Variants in PRKN observed in about 807,000 individuals in gnomAD.
The protein encoded by PRKN is E3 ubiquitin-protein ligase parkin.
PRKN carries 56 observed loss-of-function variants against 59.5 expected under a neutral mutation model. The ratio of observed to expected loss-of-function variants is 0.94; its 90% confidence interval spans 0.76 to 1.18. The LOEUF is 1.18. PRKN is among the 50% of genes most tolerant of loss of function. The pLI is 0.00. For synonymous variants in PRKN, 250 were observed against 222.1 expected, an observed-to-expected ratio of 1.13 and a Z score of -1.12; for missense variants, 657 against 596.4, an observed-to-expected ratio of 1.10 and a Z score of -1.06.
At chr6:161,978,075 GT>G (rs572946862) in intron 5 of PRKN, among the ~76,000 whole-genome samples, 8 of 149,192 alleles carry the variant, frequency 5.4e-5, no homozygotes, top group Admixed American at 2.6e-4. Flanking sequence ...TGAGATGGGA[GT>G]TTTGCTCTTT....
intron 4 of PRKN, among the ~76,000 whole-genome samples, chr6:162,123,940 T>G (rs1781020462): frequency 6.6e-6 from 1 of 152,068 alleles, no homozygotes; most frequent in Non-Finnish European, 1.5e-5. Context: ...AGAGGGAGAC[T>G]GGAAAACAAG....
At chr6:162,544,559 T>C (rs1779043962) in intron 1 of PRKN, among the ~76,000 whole-genome samples, 1 of 152,188 alleles carries the variant, frequency 6.6e-6, no homozygotes, top group Admixed American at 6.5e-5. Context: ...TTATTTACTT[T>C]GCCAGATAAT....
At chr6:162,346,594 C>A (rs1784414056) in intron 2 of PRKN, among the ~76,000 whole-genome samples, 2 of 152,088 alleles carry the variant, frequency 1.3e-5, no homozygotes, top group Non-Finnish European at 1.5e-5. Flanking sequence ...GTACTCTAGC[C>A]TGGGTGACAG....
intron 5 of PRKN, among the ~76,000 whole-genome samples, chr6:161,977,714 CT>C (rs1239614924): frequency 6.6e-6 from 1 of 150,520 alleles, no homozygotes; most frequent in Non-Finnish European, 1.5e-5. Flanking sequence ...CGCCCGGCTA[CT>C]TTTTTGTATT....
chr6:161,502,976 G>A lies in PRKN; in HGVS notation c.1083+45878C>T, dbSNP rs571780857. On this transcript the variant is annotated intron_variant, in intron 9 of 11. Transcript: ENST00000366898. The surrounding 1 kb of genome is among the most constrained non-coding windows in gnomAD (Gnocchi z 4.0). ...CACTTACTTCATGCATTTGTGGCAA[G>A]GATTGAGTTAGATGATACATATCCA... 6.6e-6 allele frequency among the ~76,000 whole-genome samples: 1 copy of A among 152,278 alleles called. No individual in the cohort carries two copies. Among genetic ancestry groups the A allele is most frequent in the African/African-American group, 2.4e-5 (1 of 41,566 alleles).
At chr6:162,454,814 G>A (rs935534109) in intron 1 of PRKN, among the ~76,000 whole-genome samples, 4 of 152,200 alleles carry the variant, frequency 2.6e-5, no homozygotes, top group East Asian at 1.9e-4. Flanking sequence ...GGTGGCTCTG[G>A]TGCACCACCA....
intron 4 of PRKN, among the ~76,000 whole-genome samples, chr6:162,187,770 C>T (rs943745021): frequency 2.6e-5 from 4 of 152,048 alleles, no homozygotes; most frequent in Admixed American, 6.6e-5. Context: ...ATGCTATCTG[C>T]CAGGAGGACA....
rs552128196 is a variant in PRKN at position 161,885,860 on chromosome 6, A to G, written c.734+87442T>C. On this transcript the variant is annotated intron_variant, in intron 6 of 11. Transcript: ENST00000366898. ...ACACTGGCTCCATCATTCAGACTCT[A>G]TGTCCCAAGTTTGAGGAGGGAAGAA... Among the ~76,000 whole-genome samples the G allele has an allele frequency of 6.5e-4, 99 of 152,248 alleles. No homozygotes were observed. In the Middle Eastern group the frequency reaches 0.014, roughly 21 times the overall value.
intron 2 of PRKN, among the ~76,000 whole-genome samples, chr6:162,317,912 T>TAA (rs1003978460): frequency 6.7e-6 from 1 of 149,858 alleles, no homozygotes; most frequent in African/African-American, 2.5e-5. Context: ...TTTAACATGG[T>TAA]AAAATATATA....
At chr6:162,246,097 T>C (rs1779180799) in intron 3 of PRKN, among the ~76,000 whole-genome samples, 1 of 152,178 alleles carries the variant, frequency 6.6e-6, no homozygotes, top group Non-Finnish European at 1.5e-5. Context: ...AGCTGTTGCC[T>C]CCGTTGTGTG....
chr6:162,196,020 C>A (rs1784479402), intron 4 of PRKN, among the ~76,000 whole-genome samples: 1 of 152,192 alleles, frequency 6.6e-6, no homozygotes, highest in South Asian at 2.1e-4. Context: ...AGCCAATTTT[C>A]TGTTCCAAAG....
At chr6:161,732,404 G>T (rs1787754022) in intron 7 of PRKN, among the ~76,000 whole-genome samples, 1 of 151,852 alleles carries the variant, frequency 6.6e-6, no homozygotes, top group African/African-American at 2.4e-5. Context: ...TGCTCAGGTA[G>T]GCTCCAGTGT....
In PRKN at chr6:162,056,325, A is replaced by G. The variant is rs551023780; in HGVS notation, c.535-2151T>C. Among the ~76,000 whole-genome samples the G allele has an allele frequency of 5.2e-3, 787 of 151,864 alleles. 6 individuals are homozygous for G. Among genetic ancestry groups the G allele is most frequent in the African/African-American group, 0.018 (753 of 41,384 alleles). On this transcript the variant is annotated intron_variant, in intron 4 of 11. Coordinates refer to ENST00000366898, the MANE Select transcript of PRKN (RefSeq NM_004562.3). The surrounding 1 kb of genome is among the most constrained non-coding windows in gnomAD (Gnocchi z 4.9). ...ACACACCACGCACACACGCACACAC[A>G]CACAATACCACACAGCACACAGGCA...
intron 7 of PRKN, among the ~76,000 whole-genome samples, chr6:161,687,472 A>T (rs543742722): frequency 6.9e-6 from 1 of 144,828 alleles, no homozygotes; most frequent in East Asian, 2.2e-4. Flanking sequence ...AAAAAAATGT[A>T]TGTTTTGAGA....
chr6:162,314,138 G>A (rs1161440057), intron 2 of PRKN, among the ~76,000 whole-genome samples: 1 of 152,040 alleles, frequency 6.6e-6, no homozygotes, highest in Non-Finnish European at 1.5e-5. Flanking sequence ...GAGTTCCCAT[G>A]CAGAATTAAT....
intron 1 of PRKN, among the ~76,000 whole-genome samples, chr6:162,581,534 G>A (rs2128211400): frequency 6.6e-6 from 1 of 152,382 alleles, no homozygotes; most frequent in East Asian, 1.9e-4. Flanking sequence ...GGAAAGGCGG[G>A]CGGATCACCT....
intron 4 of PRKN, among the ~76,000 whole-genome samples, chr6:162,111,796 G>A (rs1348379070): frequency 6.6e-6 from 1 of 152,064 alleles, no homozygotes; most frequent in Non-Finnish European, 1.5e-5. Context: ...TTTTCAGTAT[G>A]CCAAGCCTCT....
chr6:162,607,842 T>C (rs1333600603), intron 1 of PRKN, among the ~76,000 whole-genome samples: 2 of 152,116 alleles, frequency 1.3e-5, no homozygotes, highest in Non-Finnish European at 1.5e-5. Context: ...CTGCCAAGAC[T>C]GAGCAGGAGT....
intron 1 of PRKN, among the ~76,000 whole-genome samples, chr6:162,488,040 T>TG (rs1562324007): frequency 2.7e-5 from 4 of 150,590 alleles, no homozygotes; most frequent in Non-Finnish European, 5.9e-5. Flanking sequence ...TTTTTTTTTT[T>TG]TTTTTTTTTT....
Sources: allele counts gnomAD v4.1 joint callset (sites outside exome capture counted in the v4.1 genomes callset), GRCh38; gene constraint gnomAD v4.1.1; non-coding constraint Gnocchi (gnomAD v3.1); transcripts MANE v1.5; gene names NCBI Gene and HGNC (gene_info 2026-07-23, HGNC 2026-07-21).